The following ANKS1B variants were observed in gnomAD, a reference collection of about 807,000 sequenced individuals.
ANKS1B encodes ankyrin repeat and sterile alpha motif domain containing 1B.
Under a neutral mutation model 148.3 loss-of-function variants are expected in ANKS1B, and 36 were observed. That is an observed-to-expected ratio of 0.24 (90% confidence interval 0.19 to 0.32). The LOEUF is 0.32. Among genes scored for constraint, ANKS1B ranks in the 10% least tolerant of loss-of-function variants. The pLI, the probability that ANKS1B is intolerant of heterozygous loss-of-function variation, is 1.00. For missense variants in ANKS1B, 1,157 were observed against 1,542.6 expected (o/e 0.75, Z 4.19); for synonymous variants, 542 against 560.8 (o/e 0.97, Z 0.47).
intron 9 of ANKS1B, among the ~76,000 whole-genome samples, chr12:99,560,112 T>G (rs967271707): frequency 3.9e-4 from 59 of 152,140 alleles, no homozygotes; most frequent in Non-Finnish European, 6.8e-4. Context: ...GGGTACTAAT[T>G]TGGTTATTTC....
chr12:99,432,507 A>C (rs1317069933), intron 11 of ANKS1B, among the ~76,000 whole-genome samples: 1 of 152,198 alleles, frequency 6.6e-6, no homozygotes, highest in Admixed American at 6.5e-5. Flanking sequence ...GGAAGGTAGA[A>C]AGAAATAAAG....
chr12:98,915,471 T>G (rs2099793057), intron 17 of ANKS1B, among the ~76,000 whole-genome samples: 1 of 152,086 alleles, frequency 6.6e-6, no homozygotes, highest in Non-Finnish European at 1.5e-5. Flanking sequence ...CCTGCCTCAG[T>G]GCCCTGAGTA....
At chr12:99,383,849 CAAAAAAAAAA>C (rs1160915276) in intron 12 of ANKS1B, among the ~76,000 whole-genome samples, 2 of 77,834 alleles carry the variant, frequency 2.6e-5, no homozygotes, top group Non-Finnish European at 5.5e-5. Context: ...CCCATCTCTA[CAAAAAAAAAA>C]AAAAAAAAGA....
At chr12:99,409,801 A>AT (rs979625669) in intron 11 of ANKS1B, among the ~76,000 whole-genome samples, 1 of 138,944 alleles carries the variant, frequency 7.2e-6, no homozygotes, top group Non-Finnish European at 1.6e-5. Flanking sequence ...ATTTAATATA[A>AT]TTTTTACTAC....
intron 12 of ANKS1B, among the ~76,000 whole-genome samples, chr12:99,271,692 A>ATATATATATATATATATT: frequency 7.0e-6 from 1 of 142,520 alleles, no homozygotes; most frequent in African/African-American, 2.6e-5. Context: ...ATATATATAT[A>ATATATATATATATATATT]TTTACTAAAT....
chr12:99,893,289 T>C (rs1484379463), intron 1 of ANKS1B, among the ~76,000 whole-genome samples: 1 of 151,746 alleles, frequency 6.6e-6, no homozygotes, highest in Admixed American at 6.6e-5. Context: ...CGGGAGCCTG[T>C]AGTCCCAGCC....
At chr12:99,752,155 C>G (rs192799066) in intron 8 of ANKS1B, among the ~76,000 whole-genome samples, 1 of 152,074 alleles carries the variant, frequency 6.6e-6, no homozygotes, top group East Asian at 1.9e-4. Flanking sequence ...ACCTCATATT[C>G]AAACAGGACA....
intron 9 of ANKS1B, among the ~76,000 whole-genome samples, chr12:99,529,522 G>A (rs1037396727): frequency 6.6e-5 from 10 of 152,054 alleles, no homozygotes; most frequent in African/African-American, 1.2e-4. Flanking sequence ...GCATGGTGGC[G>A]TGTGCCTGTA....
Position 99,403,472 on chromosome 12 carries a change from TTAA to T in ANKS1B, c.1576-3664_1576-3662del, listed in dbSNP as rs1336954425. Among the ~76,000 whole-genome samples the T allele has an allele frequency of 1.5e-5, 2 of 129,338 alleles. 1 individual carries two copies. The highest frequency in any genetic ancestry group is 6.3e-5 in the African/African-American group (2 of 31,730). 84.9% of individuals were successfully genotyped at this position (129,338 alleles called of 152,430 possible). A position where few individuals can be genotyped will look rare whatever the true frequency, so the allele number is the denominator to read the frequency against. ...ATACCCAGCCCCCAATGCCCACTTT[TTAA>T]TGGGGGTTGATTTTTTTTTCTTGTA... On this transcript the variant is annotated intron_variant, in intron 11 of 26. Transcript: ENST00000683438.
intron 17 of ANKS1B, among the ~76,000 whole-genome samples, chr12:98,851,312 G>T (rs1317996841): frequency 6.6e-6 from 1 of 152,132 alleles, no homozygotes. Flanking sequence ...TGAAAAGTAG[G>T]GAGTGGCAAT....
intron 15 of ANKS1B, among the ~76,000 whole-genome samples, chr12:99,094,159 T>C (rs936591854): frequency 2.0e-5 from 3 of 152,172 alleles, no homozygotes; most frequent in Non-Finnish European, 4.4e-5. Context: ...GGTTGTGAGA[T>C]ACAATGAGAT....
At chr12:98,742,773 C>A (rs2097811276), downstream of ANKS1B, among the ~76,000 whole-genome samples, 1 of 152,242 alleles carries the variant, frequency 6.6e-6, no homozygotes, top group Non-Finnish European at 1.5e-5. Flanking sequence ...GACTCTGTTG[C>A]TGGGGCAGGC....
chr12:98,981,460 C>T (rs1243163168), intron 17 of ANKS1B, among the ~76,000 whole-genome samples: 1 of 152,140 alleles, frequency 6.6e-6, no homozygotes, highest in African/African-American at 2.4e-5. Context: ...CTCAGCCTCC[C>T]GAGTAGCTGC....
At chr12:98,800,671 C>T (rs2098994671) in intron 21 of ANKS1B, among the ~76,000 whole-genome samples, 1 of 29,898 alleles carries the variant, frequency 3.3e-5, no homozygotes, top group Non-Finnish European at 6.7e-5. Context: ...GGTGAGTGAG[C>T]AGAGATATAT....
At chr12:99,127,495 T>A (rs1371869819) in intron 15 of ANKS1B, among the ~76,000 whole-genome samples, 1 of 152,182 alleles carries the variant, frequency 6.6e-6, no homozygotes, top group African/African-American at 2.4e-5. Context: ...AAGCAAAAGG[T>A]ACATAATGCT....
At chr12:98,804,573 C>T (rs1346987232) in intron 20 of ANKS1B, among the ~76,000 whole-genome samples, 3 of 152,076 alleles carry the variant, frequency 2.0e-5, no homozygotes, top group African/African-American at 7.2e-5. Context: ...ATGACCTTGG[C>T]CCTTGGCTGG....
chr12:99,289,813 AAAGT>A (rs2079668079), intron 12 of ANKS1B, among the ~76,000 whole-genome samples: 1 of 151,998 alleles, frequency 6.6e-6, no homozygotes, highest in African/African-American at 2.4e-5. Flanking sequence ...CTACATCAAA[AAAGT>A]AGAAAAACTT....
intron 20 of ANKS1B, among the ~76,000 whole-genome samples, chr12:98,805,328 T>TAAA (rs1250652631): frequency 6.6e-6 from 1 of 151,024 alleles, no homozygotes; most frequent in Non-Finnish European, 1.5e-5. Flanking sequence ...TTAAGCACAC[T>TAAA]AAAGAACATC....
intron 14 of ANKS1B, among the ~76,000 whole-genome samples, chr12:99,192,374 G>T (rs941113902): frequency 2.0e-5 from 3 of 151,980 alleles, no homozygotes; most frequent in African/African-American, 7.2e-5. Context: ...ATTATCTAGG[G>T]AGAATCTATT....
Sources: gnomAD v4.1 joint callset for allele counts (sites outside exome capture counted in the v4.1 genomes callset) on GRCh38, gnomAD v4.1.1 for gene constraint, MANE v1.5 for transcripts, NCBI Gene and HGNC (gene_info 2026-07-23, HGNC 2026-07-21) for gene names.